NRTN: variants seen among roughly 807,000 people sequenced by gnomAD.
NRTN encodes neurturin.
Under a neutral mutation model 7.5 loss-of-function variants are expected in NRTN, and 3 were observed. The observed-to-expected ratio is 0.40, with a 90% CI of 0.18 to 1.03. The LOEUF (loss-of-function observed/expected upper bound fraction) is 1.03. Among genes scored for constraint, NRTN ranks in the 50% least tolerant of loss-of-function variants. The pLI is 0.34. For missense variants in NRTN, 310 were observed against 307.0 expected (o/e 1.01, Z -0.07); for synonymous variants, 157 against 146.6 (o/e 1.07, Z -0.51).
intron 1 of NRTN, among the ~76,000 whole-genome samples, chr19:5,809,588 G>C (rs1293387352): frequency 1.3e-5 from 2 of 152,142 alleles, no homozygotes; most frequent in Non-Finnish European, 2.9e-5. Flanking sequence ...GAGGGGCCCA[G>C]GGTGGCCTTG....
intron 2 of NRTN, among the ~76,000 whole-genome samples, chr19:5,825,932 A>G (rs2144768868): frequency 6.6e-6 from 1 of 152,298 alleles, no homozygotes; most frequent in African/African-American, 2.4e-5. Context: ...CAGGAGATGG[A>G]GACCATTCTG....
intron 1 of NRTN, among the ~76,000 whole-genome samples, chr19:5,822,697 C>G (rs2436519): frequency 0.55 from 84,203 of 151,902 alleles, 23,459 homozygotes; most frequent in Admixed American, 0.61. Context: ...ACCCTCCAAG[C>G]TGAGATTGCA....
chr19:5,824,056 T>A lies in NRTN; in HGVS notation c.-110T>A. ...GTGATTATCGACCATTCGGCAGGCG[T>A]TCAAAGTCAAAGGCCCCACACTGAG... On this transcript the variant is annotated 5_prime_UTR_variant, in exon 2 of 3. Transcript: ENST00000303212. The A allele has an allele frequency of 7.1e-7, 1 of 1,402,570 alleles. No individual in the cohort carries two copies. The highest frequency in any genetic ancestry group is 1.2e-5 in the South Asian group (1 of 85,938). 86.9% of individuals were successfully genotyped at this position (1,402,570 alleles called of 1,614,324 possible). A position where few individuals can be genotyped will look rare whatever the true frequency, so the allele number is the denominator to read the frequency against.
intron 1 of NRTN, among the ~76,000 whole-genome samples, chr19:5,822,389 A>C (rs1251734553): frequency 6.6e-6 from 1 of 152,160 alleles, no homozygotes; most frequent in African/African-American, 2.4e-5. Context: ...GCCGGCCGCC[A>C]GGCTCCACGC....
At chr19:5,820,048 C>T (rs2057018055) in intron 1 of NRTN, among the ~76,000 whole-genome samples, 2 of 151,402 alleles carry the variant, frequency 1.3e-5, no homozygotes, top group Non-Finnish European at 1.5e-5. Context: ...GGGTGGATCA[C>T]AAGGTCAGGA....
chr19:5,813,084 A>T (rs899164967), intron 1 of NRTN, among the ~76,000 whole-genome samples: 1 of 152,096 alleles, frequency 6.6e-6, no homozygotes, highest in African/African-American at 2.4e-5. Context: ...TGCCCTATTG[A>T]AGATGGGAGG....
At chr19:5,810,790 A>G (rs541986023) in intron 1 of NRTN, among the ~76,000 whole-genome samples, 109 of 151,298 alleles carry the variant, frequency 7.2e-4, no homozygotes, top group Non-Finnish European at 1.2e-3. Flanking sequence ...TTAGCTGGAC[A>G]TGGTGGCTCG....
intron 1 of NRTN, among the ~76,000 whole-genome samples, chr19:5,812,136 C>T (rs1286502920): frequency 2.0e-5 from 3 of 152,058 alleles, no homozygotes; most frequent in Non-Finnish European, 1.5e-5. Flanking sequence ...CTCCTAAGTG[C>T]TGGGATTACA....
At chr19:5,808,554 C>T (rs1310818558) in intron 1 of NRTN, among the ~76,000 whole-genome samples, 1 of 152,176 alleles carries the variant, frequency 6.6e-6, no homozygotes, top group Non-Finnish European at 1.5e-5. Flanking sequence ...GAGAGAGCTC[C>T]AGGTGCCGGT....
At chr19:5,818,735 C>T (rs1221980120) in intron 1 of NRTN, among the ~76,000 whole-genome samples, 2 of 152,012 alleles carry the variant, frequency 1.3e-5, no homozygotes, top group African/African-American at 4.8e-5. Context: ...CACACCCAGC[C>T]CCCTCCCCGT....
chr19:5,810,629 G>T (rs1267670471), intron 1 of NRTN, among the ~76,000 whole-genome samples: 2 of 151,982 alleles, frequency 1.3e-5, no homozygotes, highest in Non-Finnish European at 2.9e-5. Context: ...CAGAAAGCAC[G>T]TGGTTAAGAA....
At position 5,806,157 on chromosome 19, in the gene NRTN, T is replaced by A. The variant is rs1235172004; in HGVS notation, c.-399+706T>A. Among the ~76,000 whole-genome samples, 1 of 152,104 alleles carries A rather than the reference T, an allele frequency of 6.6e-6. No individual in the cohort carries two copies. The highest frequency in any genetic ancestry group is 1.5e-5 in the Non-Finnish European group (1 of 68,010). On this transcript the variant is annotated intron_variant, in intron 1 of 2. Coordinates refer to ENST00000303212, the MANE Select transcript of NRTN (RefSeq NM_004558.5). This position sits in a 1 kb window ranked among gnomAD's most constrained non-coding sequence, Gnocchi z 5.4. Reference sequence around the variant, plus strand: ...TCTCCTGCACGGGGATAGCCCCGAATTGTCCCAGGAGGTGGTTTGTGGATT... The same window carrying A: ...TCTCCTGCACGGGGATAGCCCCGAAATGTCCCAGGAGGTGGTTTGTGGATT...
Position 5,827,860 on chromosome 19 carries a change from C to T in NRTN, c.281C>T (p.Ala94Val). 1.7e-6 allele frequency: 2 copies of T among 1,204,466 alleles called. No homozygotes were observed. The highest frequency in any genetic ancestry group is 2.1e-6 in the Non-Finnish European group (2 of 972,912). The allele number at this position is 1,204,466 out of a possible 1,614,324, so 74.6% of individuals were successfully genotyped here. ...CGGGCGGGGCCCCGGCGGCGGCGCG[C>T]GCGTGCGCGGTTGGGGGCGCGGCCT... ...RRRAGPRRRR[A>V]RARLGARPCG... The change falls in exon 3 of 3, where the codon GCG becomes GTG. Residue 94 changes from alanine (A) to valine (V), a missense_variant. By Grantham distance (64) the Ala-to-Val change is moderately conservative. Transcript: ENST00000303212.
chr19:5,810,855 G>A lies in NRTN; in HGVS notation c.-399+5404G>A, dbSNP rs374709195. Among the ~76,000 whole-genome samples, 6 of 151,248 alleles carry A rather than the reference G, an allele frequency of 4.0e-5. No individual in the cohort carries two copies. In the East Asian group the frequency reaches 7.8e-4, roughly 20 times the overall value. On this transcript the variant is annotated intron_variant, in intron 1 of 2. Coordinates refer to ENST00000303212, the MANE Select transcript of NRTN (RefSeq NM_004558.5). ...GAGACAGGAGAATCGCTTGAACCCA[G>A]GAGGCAGAGGTTGCACTGAGCTGAG...
At chr19:5,826,017 C>T (rs1331807075) in intron 2 of NRTN, among the ~76,000 whole-genome samples, 2 of 152,108 alleles carry the variant, frequency 1.3e-5, no homozygotes, top group African/African-American at 2.4e-5. Flanking sequence ...CGCCTGTAGT[C>T]CCAGCTACTC....
intron 1 of NRTN, 107 bp from the exon 2 acceptor site, chr19:5,823,661 C>G (rs779070104): frequency 2.0e-4 from 45 of 227,202 alleles, no homozygotes; most frequent in Non-Finnish European, 3.2e-4. Flanking sequence ...GCCCCAGATT[C>G]CTGCCTCCAG....
chr19:5,823,952 T>TG lies in NRTN; in HGVS notation c.-209dup, dbSNP rs2057035421. On this transcript the variant is annotated 5_prime_UTR_variant, in exon 2 of 3. An upstream open reading frame in the 5' UTR loses its in-frame stop. Coordinates refer to ENST00000303212, the MANE Select transcript of NRTN (RefSeq NM_004558.5). The stretch of plus-strand genomic sequence containing the variant: ...AGGAAGGCACTCCGGGACCCCCAGA[T>TG]GGGGGCGGTTCCCTGTGACTCCTGG... 6.2e-6 allele frequency: 4 copies of TG among 643,206 alleles called. No homozygotes were observed. The highest frequency in any genetic ancestry group is 2.6e-5 in the Admixed American group (1 of 38,976). The allele number at this position is 643,206 out of a possible 1,614,324, so 39.8% of individuals were successfully genotyped here.
chr19:5,805,984 C>G (rs1281973701), intron 1 of NRTN, among the ~76,000 whole-genome samples: 2 of 152,104 alleles, frequency 1.3e-5, no homozygotes, highest in African/African-American at 4.8e-5. Flanking sequence ...CGGTGAGGGC[C>G]GGGCCCTCTC....
intron 1 of NRTN, among the ~76,000 whole-genome samples, chr19:5,813,447 G>A (rs1184572005): frequency 2.0e-5 from 3 of 151,332 alleles, no homozygotes; most frequent in East Asian, 1.9e-4. Context: ...CGAAGCGAGC[G>A]GATCACTTGA....
Sources: allele counts gnomAD v4.1 joint callset (sites outside exome capture counted in the v4.1 genomes callset), GRCh38; gene constraint gnomAD v4.1.1; non-coding constraint Gnocchi (gnomAD v3.1); transcripts MANE v1.5; gene names NCBI Gene and HGNC (gene_info 2026-07-23, HGNC 2026-07-21).